SYNE2: variants seen among roughly 807,000 people sequenced by gnomAD.
SYNE2 encodes nesprin-2.
A neutral mutation model predicts 856.3 loss-of-function variants in SYNE2; 431 were observed. The observed-to-expected ratio is 0.50, with a 90% confidence interval of 0.47 to 0.55. The LOEUF (loss-of-function observed/expected upper bound fraction) is 0.55. Among genes scored for constraint, SYNE2 ranks in the 20% least tolerant of loss-of-function variants. The probability of loss-of-function intolerance (pLI) is 0.00; values close to 1 mark genes in which losing one functional copy is unlikely to be tolerated. For missense variants in SYNE2, 8,129 were observed against 8,023.2 expected (o/e 1.01, Z -0.50); for synonymous variants, 2,923 against 2,872.3 (o/e 1.02, Z -0.56).
intron 83 of SYNE2, among the ~76,000 whole-genome samples, chr14:64,145,196 G>A (rs1213924271): frequency 6.6e-6 from 1 of 151,612 alleles, no homozygotes; most frequent in African/African-American, 2.4e-5. Context: ...CAAAATGCTG[G>A]GATTACAGGT....
chr14:63,946,823 A>C (rs1012062311), intron 6 of SYNE2, among the ~76,000 whole-genome samples: 1 of 151,586 alleles, frequency 6.6e-6, no homozygotes, highest in Non-Finnish European at 1.5e-5. Flanking sequence ...TGAATTTATC[A>C]ACTTCTTTTG....
chr14:64,113,035 C>A, intron 65 of SYNE2: 1 of 985,386 alleles, frequency 1.0e-6, no homozygotes, highest in Non-Finnish European at 1.2e-6. Flanking sequence ...GACACACACA[C>A]ACCCTGTCAC....
Position 64,190,131 on chromosome 14 carries a change from G to A in SYNE2, c.17932G>A (p.Asp5978Asn). 7 of 1,614,124 alleles carry A rather than the reference G, an allele frequency of 4.3e-6. No homozygotes were observed. Among genetic ancestry groups the A allele is most frequent in the Non-Finnish European group, 5.9e-6 (7 of 1,180,032 alleles). The change falls in exon 99 of 116, where the codon GAC (aspartate) becomes AAC (asparagine). Residue 5978 changes from aspartate to asparagine, a missense_variant. Asp to Asn is a conservative substitution (Grantham distance 23, BLOSUM62 1). This residue lies in a region of SYNE2 where 5,410 missense variants were observed against 5,284.8 expected (regional missense o/e 1.02). Transcript: ENST00000555002. ...ENKLQLKQMG[D>N]QLIKASNKSR... ...CAAGTTACAGTTAAAGCAGATGGGT[G>A]ACCAGTTGATCAAGGCCAGCAACAA...
At position 64,074,024 on chromosome 14, in the gene SYNE2, G is replaced by A. The variant is rs1444187617; in HGVS notation, c.10754G>A (p.Arg3585Lys). Residue 3585 changes from arginine to lysine, a missense_variant, in exon 53 of 116, where the codon AGA becomes AAA. This residue lies in a region of SYNE2 where 5,410 missense variants were observed against 5,284.8 expected (regional missense o/e 1.02). Coordinates refer to ENST00000555002, the MANE Select transcript of SYNE2 (RefSeq NM_182914.3). The part of the protein sequence containing the change: ...KELVQTEIQE[R>K]HSFTKEIIAL... ...TTGGTGCAGACTGAAATCCAAGAAA[G>A]ACATTCCTTCACAAAAGAGATAATT... The A allele has an allele frequency of 6.2e-7, 1 of 1,614,184 alleles. No homozygotes were observed. Among genetic ancestry groups the A allele is most frequent in the Middle Eastern group, 1.6e-4 (1 of 6,062 alleles).
At chr14:64,206,553 A>G (rs1490079671) in intron 100 of SYNE2, among the ~76,000 whole-genome samples, 1 of 151,362 alleles carries the variant, frequency 6.6e-6, no homozygotes, top group African/African-American at 2.4e-5. Flanking sequence ...AAGTTTTGAA[A>G]ATGTTTGGGC....
At chr14:64,012,329 A>G (rs2096852986) in intron 32 of SYNE2, among the ~76,000 whole-genome samples, 1 of 152,134 alleles carries the variant, frequency 6.6e-6, no homozygotes, top group Non-Finnish European at 1.5e-5. Context: ...GAGTATTCTT[A>G]TCCTCTATTC....
Position 63,833,161 on chromosome 14 carries a change from A to G in SYNE2, c.-304-19340A>G, listed in dbSNP as rs538521420. Among the ~76,000 whole-genome samples the G allele has an allele frequency of 2.2e-4, 34 of 152,238 alleles. No individual in the cohort carries two copies. In the Middle Eastern group the frequency reaches 0.01, roughly 46 times the overall value. ...GATTTCAAGGCTGCAGTGCACTATG[A>G]TCATGCCACTGTGCTCCAGCCTGGG... is the stretch of plus-strand genomic sequence containing the variant. On this transcript the variant is annotated intron_variant, in intron 1 of 23. Transcript: ENST00000674003.
At chr14:64,002,384 C>T (rs999911819) in intron 29 of SYNE2, among the ~76,000 whole-genome samples, 9 of 152,094 alleles carry the variant, frequency 5.9e-5, no homozygotes, top group African/African-American at 9.7e-5. Context: ...GCTTAAATGC[C>T]GTATTCTACC....
intron 100 of SYNE2, among the ~76,000 whole-genome samples, chr14:64,205,466 C>G (rs1191025582): frequency 7.2e-5 from 11 of 152,182 alleles, no homozygotes; most frequent in Admixed American, 7.2e-4. Context: ...CCTATGTTTA[C>G]TTTTCAAACT....
chr14:64,186,608 G>A (rs771477474), intron 97 of SYNE2, 29 bp downstream of exon 97: 4 of 1,613,916 alleles, frequency 2.5e-6, no homozygotes, highest in Non-Finnish European at 3.4e-6. Context: ...GGGCACGGCT[G>A]TTTGGGAGTG....
chr14:63,788,157 T>G (rs1160714148), intron 1 of SYNE2, among the ~76,000 whole-genome samples: 1 of 152,110 alleles, frequency 6.6e-6, no homozygotes, highest in Non-Finnish European at 1.5e-5. Flanking sequence ...CAATCCCTGC[T>G]TTGATATTGG....
chr14:64,026,683 C>T lies in SYNE2; in HGVS notation c.6357C>T (p.Ile2119=). 6.2e-7 allele frequency: 1 copy of T among 1,612,486 alleles called. No homozygotes were observed. Among genetic ancestry groups the T allele is most frequent in the African/African-American group, 1.3e-5 (1 of 75,022 alleles). ...APLVQKTLTD[I]SNQWDNTLHL... is the part of the protein sequence containing the mutation. The stretch of plus-strand genomic sequence containing the variant: ...TGGTTCAGAAGACCCTCACTGACAT[C>T]AGCAACCAGTGGGACAACACACTCC... Residue 2119 remains isoleucine (I), a synonymous_variant, in exon 42 of 116, where the codon ATC becomes ATT. Transcript: ENST00000555002.
intron 53 of SYNE2, among the ~76,000 whole-genome samples, chr14:64,074,461 T>C (rs1431392794): frequency 1.3e-5 from 2 of 152,186 alleles, no homozygotes; most frequent in East Asian, 1.9e-4. Context: ...ATTACTCCTT[T>C]AGTAGGACAT....
intron 99 of SYNE2, among the ~76,000 whole-genome samples, chr14:64,193,281 G>A (rs990394574): frequency 3.3e-5 from 5 of 152,198 alleles, no homozygotes; most frequent in African/African-American, 4.8e-5. Flanking sequence ...CAGGCATAGC[G>A]GCTCATGCCT....
intron 1 of SYNE2, among the ~76,000 whole-genome samples, chr14:63,779,692 A>T (rs1048256738): frequency 6.6e-6 from 1 of 152,182 alleles, no homozygotes; most frequent in African/African-American, 2.4e-5. Context: ...TGAGCGGATT[A>T]CTTGAGGTCA....
chr14:63,856,166 G>A (rs755361877), intron 1 of SYNE2, among the ~76,000 whole-genome samples: 2 of 152,198 alleles, frequency 1.3e-5, no homozygotes, highest in African/African-American at 2.4e-5. Flanking sequence ...GGGAGGGTAG[G>A]ACTAAATGAC....
At chr14:63,927,793 G>A (rs945563795) in intron 2 of SYNE2, among the ~76,000 whole-genome samples, 1 of 151,978 alleles carries the variant, frequency 6.6e-6, no homozygotes, top group Admixed American at 6.6e-5. Flanking sequence ...TCGGGAGCCT[G>A]AGGCAGGAGA....
chr14:64,098,259 A>AT (rs2097693542), intron 62 of SYNE2, 113 bp downstream of exon 62: 2 of 1,183,962 alleles, frequency 1.7e-6, no homozygotes, highest in African/African-American at 1.5e-5. Context: ...TAGTAAAGGA[A>AT]TTTTTTAAAG....
intron 84 of SYNE2, among the ~76,000 whole-genome samples, chr14:64,146,716 G>GT (rs1392020221): frequency 6.6e-6 from 1 of 152,220 alleles, no homozygotes; most frequent in African/African-American, 2.4e-5. Flanking sequence ...GTTGTCCGTG[G>GT]TTCAGCTATG....
Sources: gnomAD v4.1 joint callset for allele counts (sites outside exome capture counted in the v4.1 genomes callset) on GRCh38, gnomAD v4.1.1 for gene constraint, gnomAD v4.1.1 regional missense constraint, MANE v1.5 for transcripts, NCBI Gene and HGNC (gene_info 2026-07-23, HGNC 2026-07-21) for gene names.